Variants in ABCG2 observed in about 807,000 individuals in gnomAD.
ABCG2 encodes the protein broad substrate specificity ATP-binding cassette transporter ABCG2.
ABCG2 carries 80 observed loss-of-function variants against 73.5 expected under a neutral mutation model. The observed-to-expected ratio is 1.09, with a 90% CI of 0.91 to 1.31. The LOEUF (loss-of-function observed/expected upper bound fraction) is 1.31. ABCG2 is among the 50% of genes most tolerant of loss of function. The probability of loss-of-function intolerance (pLI) is 0.00; values close to 1 mark genes in which losing one functional copy is unlikely to be tolerated. For missense variants in ABCG2, 796 were observed against 786.2 expected (o/e 1.01, Z -0.15); for synonymous variants, 269 against 282.4 (o/e 0.95, Z 0.48).
chr4:88,186,918 CAAAAAAA>C (rs35676506), intron 1 of ABCG2, among the ~76,000 whole-genome samples: 13 of 76,306 alleles, frequency 1.7e-4, no homozygotes, highest in Non-Finnish European at 2.6e-4. Flanking sequence ...GACTCCGTCT[CAAAAAAA>C]AAAAAAAAAA....
chr4:88,196,076 C>A (rs1728932800), intron 1 of ABCG2, among the ~76,000 whole-genome samples: 1 of 152,130 alleles, frequency 6.6e-6, no homozygotes, highest in South Asian at 2.1e-4. Flanking sequence ...TTTGCAGAGC[C>A]AGTGTAACAA....
intron 2 of ABCG2, among the ~76,000 whole-genome samples, chr4:88,136,475 G>C (rs146757573): frequency 3.5e-4 from 53 of 152,316 alleles, no homozygotes; most frequent in Non-Finnish European, 6.2e-4. Flanking sequence ...ATGAGGCAAG[G>C]TGGGAGAAAC....
Position 88,183,356 on chromosome 4 carries a change from CAAAT to C in ABCG2, c.-19-43346_-19-43343del, listed in dbSNP as rs1266299174. The stretch of plus-strand genomic sequence containing the variant: ...AATGAAGAAAAAAAGAGAAAAGAAA[CAAAT>C]AAATAAAATCAGAGATGAGAAAGGA... On this transcript the variant is annotated intron_variant, in intron 1 of 15. Transcript: ENST00000515655. Among the ~76,000 whole-genome samples, 5 of 151,856 alleles carry C rather than the reference CAAAT, an allele frequency of 3.3e-5. No individual in the cohort carries two copies. The South Asian group carries it at 8.3e-4, about 25-fold the overall frequency.
rs149106245 is a variant in ABCG2 at position 88,131,209 on chromosome 4, T to A, written c.383A>T (p.Asp128Val). 5.8e-5 allele frequency: 93 copies of A among 1,613,964 alleles called. 1 individual carries two copies. The East Asian group carries it at 1.8e-3, about 32-fold the overall frequency. ...KCNSGYVVQD[D>V]VVMGTLTVRE... is the part of the protein sequence containing the mutation. The stretch of plus-strand genomic sequence containing the variant: ...CACCGTCAGAGTGCCCATCACAACA[T>A]CATCCTTAAGGCAAATAGCATTTTA... Residue 128 changes from aspartate to valine, a missense_variant, in exon 5 of 16, where the codon GAT becomes GTT. Physicochemically the swap from Asp to Val is radical, Grantham distance 152. Transcript: ENST00000237612.
chr4:88,143,985 TA>T (rs1725805596), intron 1 of ABCG2, among the ~76,000 whole-genome samples: 1 of 152,332 alleles, frequency 6.6e-6, no homozygotes, highest in South Asian at 2.1e-4. Context: ...CAACTACCTT[TA>T]AGCAAACACC....
At chr4:88,092,700 C>T (rs1189801586) in intron 15 of ABCG2, among the ~76,000 whole-genome samples, 5 of 152,192 alleles carry the variant, frequency 3.3e-5, no homozygotes, top group African/African-American at 1.2e-4. Flanking sequence ...TTTTAGCCTA[C>T]TCAAATTTAT....
chr4:88,187,442 A>G (rs563357562), intron 1 of ABCG2, among the ~76,000 whole-genome samples: 1 of 151,926 alleles, frequency 6.6e-6, no homozygotes, highest in South Asian at 2.1e-4. Context: ...GTGAAACCCC[A>G]TCTCTACTAA....
chr4:88,099,420 C>T lies in ABCG2; in HGVS notation c.1396G>A (p.Val466Met), dbSNP rs1289325022. Residue 466 changes from valine to methionine, a missense_variant, in exon 12 of 16, where the codon GTG becomes ATG. Val to Met is a conservative substitution (Grantham distance 21). Transcript: ENST00000237612. Reference protein sequence around the residue: ...IHEYISGYYRVSSYFLGKLLS... With the variant: ...IHEYISGYYRMSSYFLGKLLS... Reference sequence around the variant, plus strand: ...AGTTTTCCAAGGAAATAAGATGACACTCTGTAGTATCCGCTGATGTATTCA... The same window carrying T: ...AGTTTTCCAAGGAAATAAGATGACATTCTGTAGTATCCGCTGATGTATTCA... 1.9e-6 allele frequency: 3 copies of T among 1,610,092 alleles called. No homozygotes were observed. Among genetic ancestry groups the T allele is most frequent in the Admixed American group, 1.7e-5 (1 of 59,214 alleles).
intron 1 of ABCG2, among the ~76,000 whole-genome samples, chr4:88,204,062 T>C (rs1441205695): frequency 6.6e-6 from 1 of 152,220 alleles, no homozygotes. Context: ...TTTCTCTAGT[T>C]TTCTTTTCTT....
chr4:88,104,699 C>G (rs1560660833), intron 10 of ABCG2, among the ~76,000 whole-genome samples: 1 of 151,114 alleles, frequency 6.6e-6, no homozygotes. Flanking sequence ...GTCACAAATA[C>G]AAATTATGAG....
chr4:88,227,893 C>T (rs1730287976), intron 1 of ABCG2, among the ~76,000 whole-genome samples: 2 of 152,146 alleles, frequency 1.3e-5, no homozygotes, highest in Non-Finnish European at 2.9e-5. Flanking sequence ...GCCAGAAAAG[C>T]ACAGGATGCA....
At position 88,118,273 on chromosome 4, in the gene ABCG2, T is replaced by C; in HGVS notation, c.690-13A>G. On this transcript the variant is annotated splice_polypyrimidine_tract_variant and intron_variant, in intron 6 of 15. Coordinates refer to ENST00000237612, the MANE Select transcript of ABCG2 (RefSeq NM_004827.3). ...CTGCTTAGACATCCTAAGTTAAAAG[T>C]GAGACAATACTAAGTCATTAAATAT... is the stretch of plus-strand genomic sequence containing the variant. 6.2e-7 allele frequency: 1 copy of C among 1,613,084 alleles called. No homozygotes were observed.
chr4:88,102,400 A>G (rs1722487742), intron 10 of ABCG2, among the ~76,000 whole-genome samples: 1 of 152,168 alleles, frequency 6.6e-6, no homozygotes, highest in South Asian at 2.1e-4. Flanking sequence ...GTTCAAGACC[A>G]GCCTAACCAA....
chr4:88,230,527 C>T (rs2110137973), intron 1 of ABCG2, among the ~76,000 whole-genome samples: 1 of 151,934 alleles, frequency 6.6e-6, no homozygotes, highest in Non-Finnish European at 1.5e-5. Flanking sequence ...AGAAGCCCAA[C>T]ATCCTCTCTC....
chr4:88,169,949 A>ATTTTTAGTAGAC (rs1380563613), intron 1 of ABCG2, among the ~76,000 whole-genome samples: 2 of 151,994 alleles, frequency 1.3e-5, no homozygotes, highest in African/African-American at 4.8e-5. Context: ...CGTCTCTACT[A>ATTTTTAGTAGAC]AAAATACAAA....
In ABCG2 at chr4:88,115,232, GTC is replaced by G. The variant is rs201460174; in HGVS notation, c.842-176_842-175del. Among the ~76,000 whole-genome samples the G allele has an allele frequency of 5.9e-3, 171 of 28,972 alleles. 12 individuals carry two copies. The highest frequency in any genetic ancestry group is 0.023 in the African/African-American group (164 of 7,118). 19.0% of individuals were successfully genotyped at this position (28,972 alleles called of 152,430 possible). A position where few individuals can be genotyped will look rare whatever the true frequency, so the allele number is the denominator to read the frequency against. On this transcript the variant is annotated intron_variant, in intron 7 of 15. Coordinates refer to ENST00000237612, the MANE Select transcript of ABCG2 (RefSeq NM_004827.3). ...TTTACCCTTTCTTTTTATATATTCA[GTC>G]TCTCTCTCTCTCTCTCTCTCTCTAT...
rs557495808 is a variant in ABCG2 at position 88,168,919 on chromosome 4, C to T, written c.-19-28905G>A. Among the ~76,000 whole-genome samples the T allele has an allele frequency of 3.3e-5, 5 of 152,174 alleles. No homozygotes were observed. The South Asian group carries it at 8.3e-4, about 25-fold the overall frequency. Reference sequence around the variant, plus strand: ...CACAGAAGCCTCCCTCAAGCTCCATCCCTTCCAAAGGTAACATCTATTACC... The same window carrying T: ...CACAGAAGCCTCCCTCAAGCTCCATTCCTTCCAAAGGTAACATCTATTACC... On this transcript the variant is annotated intron_variant, in intron 1 of 15. Coordinates refer to the ABCG2 transcript ENST00000515655.
chr4:88,131,812 G>A lies in ABCG2; in HGVS notation c.369C>T (p.Tyr123=), dbSNP rs2231139. The part of the protein sequence containing the change: ...RPANFKCNSG[Y]VVQDDVVMGT... ...ACCCACTAATACTTACTTGTACCAC[G>A]TAACCTGAATTACATTTGAAATTGG... Residue 123 remains tyrosine, a synonymous_variant, in exon 4 of 16, where the codon TAC becomes TAT. Coordinates refer to ENST00000237612, the MANE Select transcript of ABCG2 (RefSeq NM_004827.3). 3.5e-3 allele frequency: 5,675 copies of A among 1,612,572 alleles called. 188 individuals carry two copies. In the African/African-American group the frequency reaches 0.068, roughly 19 times the overall value.
chr4:88,208,719 T>A (rs900293073), intron 1 of ABCG2, among the ~76,000 whole-genome samples: 3 of 152,150 alleles, frequency 2.0e-5, no homozygotes, highest in Admixed American at 2.0e-4. Context: ...TTTTTTAATT[T>A]AAAAAACTGA....
Sources: gnomAD v4.1 joint callset for allele counts (sites outside exome capture counted in the v4.1 genomes callset) on GRCh38, gnomAD v4.1.1 for gene constraint, MANE v1.5 for transcripts, NCBI Gene and HGNC (gene_info 2026-07-23, HGNC 2026-07-21) for gene names.